Variants in ENTHD1 observed in about 807,000 individuals in gnomAD.
ENTHD1 encodes ENTH domain containing 1.
Under a neutral mutation model 39.1 loss-of-function variants are expected in ENTHD1, and 23 were observed. The observed-to-expected ratio is 0.59, with a 90% CI of 0.42 to 0.83. The LOEUF is 0.83. Among genes scored for constraint, ENTHD1 ranks in the 40% least tolerant of loss-of-function variants. ENTHD1 has a pLI of 0.00. For synonymous variants in ENTHD1, 230 were observed against 258.2 expected (o/e 0.89, Z 1.05); for missense variants, 624 against 705.4 (o/e 0.88, Z 1.31).
chr22:39,876,514 T>TAAAAA (rs137946), intron 2 of ENTHD1, among the ~76,000 whole-genome samples: 1 of 105,816 alleles, frequency 9.5e-6, no homozygotes, highest in Non-Finnish European at 2.0e-5. Flanking sequence ...ACGGGTCATC[T>TAAAAA]AAAAAAAAAA....
intron 6 of ENTHD1, 31 bp downstream of exon 6, chr22:39,765,176 TTGTGTGTGTGTGTGTG>T (rs71326782): frequency 1.4e-6 from 2 of 1,402,022 alleles, no homozygotes; most frequent in Non-Finnish European, 1.9e-6. Context: ...AGGTTTTTTG[TTGTGTGTGTGTGTGTG>T]TGTGTGTGTG....
intron 6 of ENTHD1, among the ~76,000 whole-genome samples, chr22:39,746,472 C>CTAATAT (rs758572509): frequency 1.4e-4 from 22 of 151,916 alleles, no homozygotes; most frequent in South Asian, 1.2e-3. Flanking sequence ...GTTTTTGTTT[C>CTAATAT]AATGTTTTAT....
intron 2 of ENTHD1, among the ~76,000 whole-genome samples, chr22:39,878,498 A>T (rs908256088): frequency 6.6e-6 from 1 of 151,814 alleles, no homozygotes; most frequent in Non-Finnish European, 1.5e-5. Flanking sequence ...TTTTTTTCAA[A>T]AAAAAAAAAA....
intron 5 of ENTHD1, 28 bp from the exon 6 acceptor site, chr22:39,765,637 T>C (rs1434884945): frequency 1.9e-6 from 3 of 1,547,476 alleles, no homozygotes; most frequent in African/African-American, 2.8e-5. Context: ...AGAGCTATAA[T>C]CAAAAAATAA....
Position 39,887,503 on chromosome 22 carries a change from G to A in ENTHD1, c.246C>T (p.Ile82=). Residue 82 remains isoleucine, a synonymous_variant, in exon 2 of 7, where the codon ATC becomes ATT. Coordinates refer to ENST00000325157, the MANE Select transcript of ENTHD1 (RefSeq NM_152512.4). The part of the protein sequence containing the change: ...YKSLTLMDYL[I]KNGSKKVIQH... Reference sequence around the variant, plus strand: ...GAATAACTTTCTTTGATCCATTCTTGATGAGATAATCCATTAGGGTAAGGG... The same window carrying A: ...GAATAACTTTCTTTGATCCATTCTTAATGAGATAATCCATTAGGGTAAGGG... 6.2e-7 allele frequency: 1 copy of A among 1,614,156 alleles called. No homozygotes were observed. The highest frequency in any genetic ancestry group is 1.6e-4 in the Middle Eastern group (1 of 6,062).
chr22:39,797,727 G>GT (rs374134450), intron 5 of ENTHD1, among the ~76,000 whole-genome samples: 4 of 152,046 alleles, frequency 2.6e-5, no homozygotes, highest in African/African-American at 9.7e-5. Flanking sequence ...TGGCTGGAAA[G>GT]TTTTTTTCTT....
intron 6 of ENTHD1, among the ~76,000 whole-genome samples, chr22:39,758,778 C>G (rs566677999): frequency 1.3e-5 from 2 of 152,194 alleles, no homozygotes; most frequent in East Asian, 3.9e-4. Flanking sequence ...GAGCGAAGTT[C>G]CCTCTTATTC....
intron 5 of ENTHD1, among the ~76,000 whole-genome samples, chr22:39,795,809 G>A (rs1426405269): frequency 6.6e-6 from 1 of 151,926 alleles, no homozygotes; most frequent in Non-Finnish European, 1.5e-5. Context: ...TTCAGTCTTA[G>A]TAAATCAGGA....
At chr22:39,869,685 G>C (rs975766724) in intron 2 of ENTHD1, among the ~76,000 whole-genome samples, 2 of 147,558 alleles carry the variant, frequency 1.4e-5, no homozygotes, top group African/African-American at 5.0e-5. Flanking sequence ...CACACCAAAT[G>C]AAATCAATGT....
intron 1 of ENTHD1, among the ~76,000 whole-genome samples, chr22:39,891,617 A>C (rs1205022181): frequency 6.6e-6 from 1 of 151,656 alleles, no homozygotes; most frequent in Non-Finnish European, 1.5e-5. Context: ...AATTAAAAAA[A>C]AAATTTTATT....
chr22:39,868,350 T>TTA (rs1169167592), intron 2 of ENTHD1, among the ~76,000 whole-genome samples: 1 of 126,602 alleles, frequency 7.9e-6, no homozygotes, highest in Non-Finnish European at 1.7e-5. Context: ...TTTATTTTAT[T>TTA]AAAAAAAAAA....
In ENTHD1 at chr22:39,773,009, C is replaced by T. The variant is rs926564386; in HGVS notation, c.833-7400G>A. Among the ~76,000 whole-genome samples, 9 of 149,402 alleles carry T rather than the reference C, an allele frequency of 6.0e-5. No homozygotes were observed. In the South Asian group the frequency reaches 6.4e-4, roughly 11 times the overall value. On this transcript the variant is annotated intron_variant, in intron 5 of 6. Transcript: ENST00000325157. ...TGACGGAATTAAAGAACTAGCTAGG[C>T]GCAGTGGCTTATGCCTGTAATCCCA...
At chr22:39,806,372 T>C (rs549084871) in intron 5 of ENTHD1, among the ~76,000 whole-genome samples, 14 of 152,348 alleles carry the variant, frequency 9.2e-5, no homozygotes, top group Non-Finnish European at 1.6e-4. Flanking sequence ...ACAGCCCTGC[T>C]GGTGGGGAAC....
chr22:39,875,868 C>G, intron 2 of ENTHD1: 1 of 1,613,954 alleles, frequency 6.2e-7, no homozygotes, highest in South Asian at 1.1e-5. Flanking sequence ...GTTGAATTAT[C>G]ACAGTTGAGG....
At chr22:39,857,067 T>G (rs1239236483) in intron 3 of ENTHD1, among the ~76,000 whole-genome samples, 1 of 152,144 alleles carries the variant, frequency 6.6e-6, no homozygotes, top group Non-Finnish European at 1.5e-5. Context: ...TTCACTTTTT[T>G]AAAATAGTCA....
At chr22:39,847,065 G>T (rs2065994685) in intron 3 of ENTHD1, among the ~76,000 whole-genome samples, 1 of 151,974 alleles carries the variant, frequency 6.6e-6, no homozygotes, top group Non-Finnish European at 1.5e-5. Flanking sequence ...AAGGACACAT[G>T]CACACGTATG....
intron 6 of ENTHD1, among the ~76,000 whole-genome samples, chr22:39,745,176 A>G (rs912637467): frequency 6.6e-6 from 1 of 152,178 alleles, no homozygotes; most frequent in Admixed American, 6.5e-5. Context: ...GTGTCTTCCA[A>G]GCTTTCTTAA....
chr22:39,744,058 A>G lies in ENTHD1; in HGVS notation c.1445T>C (p.Val482Ala). The G allele has an allele frequency of 6.2e-7, 1 of 1,614,146 alleles. No homozygotes were observed. Among genetic ancestry groups the G allele is most frequent in the Non-Finnish European group, 8.5e-7 (1 of 1,179,990 alleles). ...TAGATTGAGGCTATCATTTTCCTCT[A>G]CATCAGAAGACACTGGGCCCCTAGA... ...FASRGPVSSDVEENDSLNLLG... is the reference protein window; with the variant it reads ...FASRGPVSSDAEENDSLNLLG... The change falls in exon 7 of 7, where the codon GTA (valine) becomes GCA (alanine). Residue 482 changes from valine to alanine, a missense_variant. By Grantham distance (64) the Val-to-Ala change is moderately conservative (BLOSUM62 0). Coordinates refer to ENST00000325157, the MANE Select transcript of ENTHD1 (RefSeq NM_152512.4).
intron 5 of ENTHD1, 151 bp from the exon 6 acceptor site, chr22:39,765,760 T>A (rs2065271707): frequency 1.2e-6 from 1 of 821,376 alleles, no homozygotes; most frequent in Non-Finnish European, 1.8e-6. Flanking sequence ...TGCTTCTATA[T>A]TCTGCCTATT....
Sources: gnomAD v4.1 joint callset for allele counts (sites outside exome capture counted in the v4.1 genomes callset) on GRCh38, gnomAD v4.1.1 for gene constraint, MANE v1.5 for transcripts, NCBI Gene and HGNC (gene_info 2026-07-23, HGNC 2026-07-21) for gene names.